Variants in ENOX1 observed in about 807,000 individuals in gnomAD.
ENOX1 encodes the protein ecto-NOX disulfide-thiol exchanger 1, also known as candidate growth-related and time keeping constitutive hydroquinone (NADH) oxidase.
ENOX1 carries 42 observed loss-of-function variants against 82.5 expected under a neutral mutation model. The observed-to-expected ratio is 0.51, with a 90% CI of 0.40 to 0.66. ENOX1 has a LOEUF of 0.66. Among genes scored for constraint, ENOX1 ranks in the 30% least tolerant of loss-of-function variants. The probability of loss-of-function intolerance (pLI) is 0.00; values close to 1 mark genes in which losing one functional copy is unlikely to be tolerated. For missense variants in ENOX1, 608 were observed against 811.6 expected (o/e 0.75, Z 3.05); for synonymous variants, 271 against 282.2 (o/e 0.96, Z 0.40).
intron 2 of ENOX1, among the ~76,000 whole-genome samples, chr13:43,549,104 C>A (rs565944898): frequency 1.3e-5 from 2 of 152,154 alleles, no homozygotes; most frequent in African/African-American, 4.8e-5. Flanking sequence ...TCCCAAAAGA[C>A]ATTTTATCCT....
At chr13:43,522,501 A>G (rs942224761) in intron 2 of ENOX1, among the ~76,000 whole-genome samples, 7 of 152,162 alleles carry the variant, frequency 4.6e-5, no homozygotes, top group Non-Finnish European at 1.0e-4. Context: ...GTGAGTTGCT[A>G]AAGTCACATA....
intron 2 of ENOX1, among the ~76,000 whole-genome samples, chr13:43,498,978 G>A (rs1280177276): frequency 3.3e-5 from 5 of 152,000 alleles, no homozygotes; most frequent in Admixed American, 1.3e-4. Context: ...AGTAATCAAG[G>A]TTCACACATC....
intron 5 of ENOX1, among the ~76,000 whole-genome samples, chr13:43,397,931 G>A (rs1482862383): frequency 6.6e-6 from 1 of 152,232 alleles, no homozygotes; most frequent in East Asian, 1.9e-4. Flanking sequence ...CTTGGAAGAT[G>A]TGCCATCTGG....
At chr13:43,347,055 G>T (rs1047934152) in intron 8 of ENOX1, among the ~76,000 whole-genome samples, 2 of 152,060 alleles carry the variant, frequency 1.3e-5, no homozygotes, top group African/African-American at 4.8e-5. Context: ...GTCATATACA[G>T]GTAGTTTTTC....
At chr13:43,695,411 C>T (rs1205553445) in intron 1 of ENOX1, among the ~76,000 whole-genome samples, 1 of 151,252 alleles carries the variant, frequency 6.6e-6, no homozygotes, top group African/African-American at 2.4e-5. Context: ...CATATTCAGA[C>T]CCATTCTCCT....
chr13:43,639,477 C>A lies in ENOX1; in HGVS notation c.-219+28002G>T, dbSNP rs555041879. ...AGATACATTGACGGTCTAAGATCAC[C>A]AGTACCTGATTCAATTCCTATTTAT... On this transcript the variant is annotated intron_variant, in intron 2 of 16. Coordinates refer to ENST00000690772, the MANE Select transcript of ENOX1 (RefSeq NM_001347969.2). Among the ~76,000 whole-genome samples the A allele has an allele frequency of 2.0e-5, 3 of 152,204 alleles. No individual in the cohort carries two copies. The East Asian group carries it at 5.8e-4, about 29-fold the overall frequency.
intron 2 of ENOX1, among the ~76,000 whole-genome samples, chr13:43,508,576 G>A (rs2077258259): frequency 1.3e-5 from 2 of 151,928 alleles, no homozygotes; most frequent in African/African-American, 4.8e-5. Context: ...TACAGGTAAC[G>A]AGAACTTCTG....
chr13:43,401,382 G>A (rs2053486987), intron 5 of ENOX1, among the ~76,000 whole-genome samples: 1 of 152,160 alleles, frequency 6.6e-6, no homozygotes, highest in African/African-American at 2.4e-5. Flanking sequence ...ATTGAGAGAC[G>A]GGAAATAAAT....
intron 1 of ENOX1, among the ~76,000 whole-genome samples, chr13:43,692,633 A>G (rs2153804585): frequency 6.6e-6 from 1 of 152,290 alleles, no homozygotes; most frequent in Middle Eastern, 3.4e-3. Flanking sequence ...CAAACCTCCT[A>G]TTAGAAAAAG....
chr13:43,755,071 C>T (rs1413190739), intron 1 of ENOX1, among the ~76,000 whole-genome samples: 3 of 89,280 alleles, frequency 3.4e-5, no homozygotes, highest in Non-Finnish European at 7.6e-5. Context: ...ATTCTATCTG[C>T]TCAGGAGATT....
chr13:43,713,048 T>C (rs992524707), intron 1 of ENOX1, among the ~76,000 whole-genome samples: 9 of 152,106 alleles, frequency 5.9e-5, no homozygotes, highest in African/African-American at 2.2e-4. Flanking sequence ...TGGCTGTGGG[T>C]TTGTCATAGA....
chr13:43,285,874 C>T lies in ENOX1; in HGVS notation c.1446+12472G>A, dbSNP rs575449869. On this transcript the variant is annotated intron_variant, in intron 12 of 16. Transcript: ENST00000690772. ...TTCTTCTTTCTTCTTTGTTCCAATG[C>T]TGTATTTCTTTGTCCCCCCATCAAA... Among the ~76,000 whole-genome samples, 30 of 137,924 alleles carry T rather than the reference C, an allele frequency of 2.2e-4. 1 individual carries two copies. Among genetic ancestry groups the T allele is most frequent in the Admixed American group, 2.1e-3 (28 of 13,214 alleles). 90.5% of individuals were successfully genotyped at this position (137,924 alleles called of 152,430 possible). A position where few individuals can be genotyped will look rare whatever the true frequency, so the allele number is the denominator to read the frequency against.
chr13:43,344,883 T>G, intron 8 of ENOX1, 133 bp from the exon 9 acceptor site: 1 of 801,582 alleles, frequency 1.2e-6, no homozygotes. Context: ...TTAGCTTTCC[T>G]GAGACTGACT....
rs78926632 is a variant in ENOX1 at position 43,423,239 on chromosome 13, C to T, written c.-74-10251G>A. ...GATATCAATCAACCACATACACAAC[C>T]TGCTGTCATATGTTGTTGTTTTCTA... is the stretch of plus-strand genomic sequence containing the variant. On this transcript the variant is annotated intron_variant, in intron 3 of 16. Transcript: ENST00000690772. Among the ~76,000 whole-genome samples the T allele has an allele frequency of 9.6e-4, 146 of 152,268 alleles. 1 individual carries two copies. Among genetic ancestry groups the T allele is most frequent in the African/African-American group, 3.2e-3 (134 of 41,554 alleles).
At chr13:43,471,194 C>T (rs2058050374) in intron 3 of ENOX1, among the ~76,000 whole-genome samples, 1 of 151,938 alleles carries the variant, frequency 6.6e-6, no homozygotes, top group Non-Finnish European at 1.5e-5. Context: ...AAACATTATG[C>T]TATATGAAAG....
rs2058381754 is a variant in ENOX1 at position 43,478,503 on chromosome 13, A to T, written c.-75+5506T>A. 3.3e-5 allele frequency among the ~76,000 whole-genome samples: 5 copies of T among 152,174 alleles called. No individual in the cohort carries two copies. The South Asian group carries it at 1.0e-3, about 32-fold the overall frequency. ...CCATATTTTAAAAACCTGACTCAGGAACTCACTCATAAAGCTTTAAATAAT... is the reference window on the plus strand; with the variant it reads ...CCATATTTTAAAAACCTGACTCAGGTACTCACTCATAAAGCTTTAAATAAT... On this transcript the variant is annotated intron_variant, in intron 3 of 16. Coordinates refer to ENST00000690772, the MANE Select transcript of ENOX1 (RefSeq NM_001347969.2).
chr13:43,446,734 C>G (rs2056669978), intron 3 of ENOX1, among the ~76,000 whole-genome samples: 1 of 152,218 alleles, frequency 6.6e-6, no homozygotes, highest in African/African-American at 2.4e-5. Context: ...ATCCACATCC[C>G]CAAATCAGCT....
chr13:43,777,532 T>C (rs1036236311), intron 1 of ENOX1, among the ~76,000 whole-genome samples: 1 of 148,714 alleles, frequency 6.7e-6, no homozygotes, highest in African/African-American at 2.4e-5. Flanking sequence ...ACAGGATCTC[T>C]CTGTATTATT....
At chr13:43,662,956 A>C (rs1212102635) in intron 2 of ENOX1, among the ~76,000 whole-genome samples, 1 of 152,228 alleles carries the variant, frequency 6.6e-6, no homozygotes, top group Non-Finnish European at 1.5e-5. Flanking sequence ...GTTTTCATAA[A>C]GGATATGAAT....
Sources: allele counts gnomAD v4.1 joint callset (sites outside exome capture counted in the v4.1 genomes callset), GRCh38; gene constraint gnomAD v4.1.1; transcripts MANE v1.5; gene names NCBI Gene and HGNC (gene_info 2026-07-23, HGNC 2026-07-21).